The following TBCK variants were observed in gnomAD, a reference collection of about 807,000 sequenced individuals.
TBCK encodes TBC1 domain containing kinase, also known as TBC domain-containing protein kinase-like protein.
A neutral mutation model predicts 113.4 loss-of-function variants in TBCK; 99 were observed. The observed-to-expected ratio is 0.87, with a 90% CI of 0.74 to 1.03. The LOEUF (loss-of-function observed/expected upper bound fraction) is 1.03. Among genes scored for constraint, TBCK ranks in the 50% least tolerant of loss-of-function variants. TBCK has a pLI of 0.00. For synonymous variants in TBCK, 369 were observed against 370.8 expected (o/e 1.00, Z 0.05); for missense variants, 1,045 against 1,061.3 (o/e 0.98, Z 0.21).
At chr4:106,217,560 C>T (rs1440535228) in intron 19 of TBCK, among the ~76,000 whole-genome samples, 2 of 151,976 alleles carry the variant, frequency 1.3e-5, no homozygotes, top group East Asian at 3.9e-4. Context: ...CACAAGCATT[C>T]CTATACACCA....
At chr4:106,128,354 C>T (rs1428012176) in intron 23 of TBCK, among the ~76,000 whole-genome samples, 2 of 152,138 alleles carry the variant, frequency 1.3e-5, no homozygotes, top group Non-Finnish European at 1.5e-5. Flanking sequence ...TTCTACTTAT[C>T]AATGAATCAC....
chr4:106,078,859 T>C (rs1430209742), intron 25 of TBCK, among the ~76,000 whole-genome samples: 1 of 152,004 alleles, frequency 6.6e-6, no homozygotes, highest in Middle Eastern at 3.2e-3. Context: ...CAGGTCAATA[T>C]CTCTGATGAA....
At chr4:106,262,322 C>A (rs1278784825) in intron 3 of TBCK, 110 bp from the exon 4 acceptor site, 1 of 565,512 alleles carries the variant, frequency 1.8e-6, no homozygotes, top group East Asian at 3.0e-5. Flanking sequence ...ATTTTTATTG[C>A]TCCTCTTTTA....
intron 3 of TBCK, among the ~76,000 whole-genome samples, chr4:106,279,651 T>C (rs1195985787): frequency 2.0e-5 from 3 of 152,134 alleles, no homozygotes. Flanking sequence ...TCTATCTCCA[T>C]GAGTTCCAAT....
chr4:106,154,645 T>G (rs1471805915), intron 23 of TBCK, among the ~76,000 whole-genome samples: 2 of 152,162 alleles, frequency 1.3e-5, no homozygotes, highest in Non-Finnish European at 2.9e-5. Context: ...TTCCTGTTTC[T>G]GCCACGTAAG....
At chr4:106,176,305 A>G (rs1266349790) in intron 22 of TBCK, among the ~76,000 whole-genome samples, 2 of 152,044 alleles carry the variant, frequency 1.3e-5, no homozygotes, top group Admixed American at 1.3e-4. Flanking sequence ...TCCATTAACC[A>G]ACCTCTCTCT....
chr4:106,049,555 T>G (rs1219027209), intron 25 of TBCK, among the ~76,000 whole-genome samples: 1 of 151,986 alleles, frequency 6.6e-6, no homozygotes, highest in African/African-American at 2.4e-5. Context: ...TCCACAGTGT[T>G]AAATAAGTCA....
intron 19 of TBCK, among the ~76,000 whole-genome samples, chr4:106,229,143 T>C (rs1323590721): frequency 6.6e-6 from 1 of 152,068 alleles, no homozygotes; most frequent in Non-Finnish European, 1.5e-5. Flanking sequence ...ATTCTGGCTG[T>C]TAATCTCTTA....
intron 23 of TBCK, among the ~76,000 whole-genome samples, chr4:106,166,225 A>G (rs1750356548): frequency 6.6e-6 from 1 of 151,756 alleles, no homozygotes; most frequent in Admixed American, 6.6e-5. Flanking sequence ...ATAAAAAAGA[A>G]CAAAAATCAA....
Position 106,139,073 on chromosome 4 carries a change from T to C in TBCK, c.2236-22695A>G, listed in dbSNP as rs960980433. ...ACTCTCACCCTTATCCTCTTCCTTG[T>C]ATACTAAAGTGATTAGTGCTAGCAT... On this transcript the variant is annotated intron_variant, in intron 23 of 25. Coordinates refer to ENST00000394708, the MANE Select transcript of TBCK (RefSeq NM_001163435.3). Among the ~76,000 whole-genome samples, 3 of 140,998 alleles carry C rather than the reference T, an allele frequency of 2.1e-5. 1 individual carries two copies. The highest frequency in any genetic ancestry group is 7.5e-5 in the African/African-American group (3 of 39,894). The allele number at this position is 140,998 out of a possible 152,430, so 92.5% of individuals were successfully genotyped here. A position where few individuals can be genotyped will look rare whatever the true frequency, so the allele number is the denominator to read the frequency against.
chr4:106,146,996 GA>G lies in TBCK; in HGVS notation c.2235+24098del, dbSNP rs1747877491. Among the ~76,000 whole-genome samples the G allele has an allele frequency of 2.0e-5, 3 of 152,156 alleles. No homozygotes were observed. In the South Asian group the frequency reaches 6.2e-4, roughly 32 times the overall value. On this transcript the variant is annotated intron_variant, in intron 23 of 25. Transcript: ENST00000394708. ...GTACCAGGAGTAGATTCCATTCTAAGAAACTTTTTTTGCTCATTCTTAAGAA... is the reference window on the plus strand; with the variant it reads ...GTACCAGGAGTAGATTCCATTCTAAGAACTTTTTTTGCTCATTCTTAAGAA...
chr4:106,088,825 G>C (rs367764484), intron 25 of TBCK, among the ~76,000 whole-genome samples: 1 of 152,100 alleles, frequency 6.6e-6, no homozygotes, highest in Non-Finnish European at 1.5e-5. Context: ...AACTAATAGA[G>C]GAGCAGAAAA....
chr4:106,122,374 C>T (rs1196612173), intron 23 of TBCK, among the ~76,000 whole-genome samples: 1 of 152,094 alleles, frequency 6.6e-6, no homozygotes, highest in Non-Finnish European at 1.5e-5. Flanking sequence ...GAAATTGTGG[C>T]AATAATCAAT....
intron 24 of TBCK, among the ~76,000 whole-genome samples, chr4:106,101,716 CA>C (rs1388632210): frequency 2.0e-5 from 3 of 152,114 alleles, no homozygotes; most frequent in Admixed American, 6.6e-5. Context: ...AGCAAAAACT[CA>C]GCCTTGATTT....
At chr4:106,149,682 A>T (rs1158462656) in intron 23 of TBCK, among the ~76,000 whole-genome samples, 2 of 152,242 alleles carry the variant, frequency 1.3e-5, no homozygotes, top group African/African-American at 4.8e-5. Context: ...CAGATATAAT[A>T]ATAATGAAAA....
chr4:106,077,312 C>T (rs1385811591), intron 25 of TBCK, among the ~76,000 whole-genome samples: 1 of 152,172 alleles, frequency 6.6e-6, no homozygotes, highest in Non-Finnish European at 1.5e-5. Flanking sequence ...ACCAAATCCT[C>T]ACATAGCAAT....
chr4:106,186,945 C>T (rs1428914155), intron 22 of TBCK, among the ~76,000 whole-genome samples: 2 of 152,140 alleles, frequency 1.3e-5, no homozygotes, highest in Admixed American at 1.3e-4. Context: ...CAGTTTCAAT[C>T]TTCTGCATAC....
intron 23 of TBCK, among the ~76,000 whole-genome samples, chr4:106,157,158 G>A (rs1749226489): frequency 6.6e-6 from 1 of 152,136 alleles, no homozygotes; most frequent in African/African-American, 2.4e-5. Flanking sequence ...GTCCTGGAAA[G>A]GGGGATTCAT....
At chr4:106,093,452 A>G (rs923404417) in intron 25 of TBCK, among the ~76,000 whole-genome samples, 5 of 152,182 alleles carry the variant, frequency 3.3e-5, no homozygotes, top group African/African-American at 1.2e-4. Context: ...GCTTGTAGTG[A>G]GCTGAGATTG....
Sources: gnomAD v4.1 joint callset for allele counts (sites outside exome capture counted in the v4.1 genomes callset) on GRCh38, gnomAD v4.1.1 for gene constraint, MANE v1.5 for transcripts, NCBI Gene and HGNC (gene_info 2026-07-23, HGNC 2026-07-21) for gene names.